The following KBTBD2 variants were observed in gnomAD, a reference collection of about 807,000 sequenced individuals.
The protein encoded by KBTBD2 is kelch repeat and BTB domain-containing protein 2.
Under a neutral mutation model 57.1 loss-of-function variants are expected in KBTBD2, and 17 were observed. That is an observed-to-expected ratio of 0.30 (90% CI 0.20 to 0.45). The LOEUF (loss-of-function observed/expected upper bound fraction) is 0.45. Among genes scored for constraint, KBTBD2 ranks in the 20% least tolerant of loss-of-function variants. KBTBD2 has a pLI of 1.00. For missense variants in KBTBD2, 515 were observed against 750.6 expected (o/e 0.69, Z 3.67); for synonymous variants, 267 against 262.7 (o/e 1.02, Z -0.16).
chr7:32,883,696 A>G (rs190750027), intron 1 of KBTBD2, among the ~76,000 whole-genome samples: 94 of 152,380 alleles, frequency 6.2e-4, no homozygotes, highest in Middle Eastern at 6.8e-3. Flanking sequence ...ATTCTCAGGT[A>G]TCAAGGAAAC....
rs750083789 is a variant in KBTBD2, at chr7:32,870,560, T to A, written c.657A>T (p.Gln219His). ...RSQYLSSVLS[Q>H]IRIDALSEVT... is the part of the protein sequence containing the mutation. ...CTTCTGAAAGTGCATCAATTCTGAT[T>A]TGGCTAAGAACAGAAGACAAATACT... Residue 219 changes from glutamine to histidine, a missense_variant, in exon 4 of 4, where the codon CAA (glutamine) becomes CAT (histidine). Physicochemically the swap from Gln to His is conservative, Grantham distance 24. Coordinates refer to ENST00000304056, the MANE Select transcript of KBTBD2 (RefSeq NM_015483.3). 6.2e-7 allele frequency: 1 copy of A among 1,614,190 alleles called. No homozygotes were observed. Among genetic ancestry groups the A allele is most frequent in the Non-Finnish European group, 8.5e-7 (1 of 1,180,012 alleles).
chr7:32,877,031 T>G (rs1784329676), intron 2 of KBTBD2, among the ~76,000 whole-genome samples: 1 of 112,408 alleles, frequency 8.9e-6, no homozygotes, highest in South Asian at 3.2e-4. Context: ...TTCTTTTTCT[T>G]TTTTTGAGAC....
At chr7:32,878,398 G>A (rs542485222) in intron 2 of KBTBD2, among the ~76,000 whole-genome samples, 3 of 152,000 alleles carry the variant, frequency 2.0e-5, no homozygotes, top group East Asian at 2.0e-4. Flanking sequence ...GACCAACATG[G>A]TGAAACCCCA....
At chr7:32,885,710 A>C (rs1283029307) in intron 1 of KBTBD2, among the ~76,000 whole-genome samples, 2 of 152,202 alleles carry the variant, frequency 1.3e-5, no homozygotes, top group African/African-American at 2.4e-5. Flanking sequence ...GGAGTCATGC[A>C]AACACAATAT....
At chr7:32,871,344 AGAG>A in intron 3 of KBTBD2, among the ~76,000 whole-genome samples, 1 of 152,356 alleles carries the variant, frequency 6.6e-6, no homozygotes, top group South Asian at 2.1e-4. Context: ...ACAATGAGTA[AGAG>A]TAGTTATTTG....
At chr7:32,888,411 C>G (rs1018042753) in intron 1 of KBTBD2, among the ~76,000 whole-genome samples, 4 of 152,030 alleles carry the variant, frequency 2.6e-5, no homozygotes, top group Non-Finnish European at 5.9e-5. Context: ...GAGATGGGTG[C>G]TAGAAACAGT....
In KBTBD2 at chr7:32,869,863, T is replaced by A; in HGVS notation, c.1354A>T (p.Met452Leu). Residue 452 changes from methionine to leucine, a missense_variant, in exon 4 of 4, where the codon ATG becomes TTG. Coordinates refer to ENST00000304056, the MANE Select transcript of KBTBD2 (RefSeq NM_015483.3). ...GACCTACTAGTCTGTCTCATGGCCA[T>A]TTCTACCCATGAGTCAGACCTTGGA... The part of the protein sequence containing the change: ...YFPRSDSWVE[M>L]AMRQTSRSFA... The A allele has an allele frequency of 6.2e-7, 1 of 1,613,670 alleles. No individual in the cohort carries two copies. Among genetic ancestry groups the A allele is most frequent in the South Asian group, 1.1e-5 (1 of 91,076 alleles).
chr7:32,875,519 G>C (rs1274511881), intron 2 of KBTBD2, among the ~76,000 whole-genome samples: 2 of 152,156 alleles, frequency 1.3e-5, no homozygotes, highest in East Asian at 3.9e-4. Context: ...AATCTTTCCT[G>C]CCTCAGCCTC....
rs1370992968 is a variant in KBTBD2, at chr7:32,879,415, A to T, written c.170+20T>A. The T allele has an allele frequency of 1.3e-6, 2 of 1,516,988 alleles. No individual in the cohort carries two copies. Among genetic ancestry groups the T allele is most frequent in the Non-Finnish European group, 9.0e-7 (1 of 1,117,228 alleles). 94.0% of individuals were successfully genotyped at this position (1,516,988 alleles called of 1,614,324 possible). The stretch of plus-strand genomic sequence containing the variant: ...ATAACATTTCAAAGAATTTCTATTT[A>T]AAACATTAAAAGTACTTACCTGAAA... On this transcript the variant is annotated intron_variant, in intron 2 of 3. Coordinates refer to ENST00000304056, the MANE Select transcript of KBTBD2 (RefSeq NM_015483.3).
chr7:32,877,921 C>A (rs1451436825), intron 2 of KBTBD2, among the ~76,000 whole-genome samples: 1 of 151,328 alleles, frequency 6.6e-6, no homozygotes. Context: ...CCAGCGTGGG[C>A]AACATGGTGA....
Position 32,870,965 on chromosome 7 carries a change from C to T in KBTBD2, c.337-85G>A, listed in dbSNP as rs1358567518. 3.3e-5 allele frequency: 24 copies of T among 737,440 alleles called. No individual in the cohort carries two copies. In the East Asian group the frequency reaches 6.5e-4, roughly 20 times the overall value. The allele number at this position is 737,440 out of a possible 1,614,324, so 45.7% of individuals were successfully genotyped here. A position where few individuals can be genotyped will look rare whatever the true frequency, so the allele number is the denominator to read the frequency against. ...TTATGTAAGACGTAAGTATATTAAT[C>T]AGATGCCCATAGTGTAATTTTTATT... On this transcript the variant is annotated intron_variant, in intron 3 of 3. Transcript: ENST00000304056.
chr7:32,873,191 G>C (rs529852488), intron 3 of KBTBD2, among the ~76,000 whole-genome samples: 3 of 151,972 alleles, frequency 2.0e-5, no homozygotes, highest in African/African-American at 7.2e-5. Context: ...ATTTAAAAAG[G>C]GAACATGATG....
chr7:32,872,446 T>C (rs1316781899), intron 3 of KBTBD2, among the ~76,000 whole-genome samples: 1 of 151,962 alleles, frequency 6.6e-6, no homozygotes, highest in Non-Finnish European at 1.5e-5. Context: ...TTGGGAGGCC[T>C]AGGTGAGAGG....
chr7:32,873,900 T>C (rs1311082839), intron 3 of KBTBD2, among the ~76,000 whole-genome samples: 1 of 152,188 alleles, frequency 6.6e-6, no homozygotes, highest in Non-Finnish European at 1.5e-5. Context: ...GTTTTTCCCT[T>C]ACACATTTTG....
chr7:32,883,190 C>G (rs952108840), intron 1 of KBTBD2, among the ~76,000 whole-genome samples: 13 of 151,926 alleles, frequency 8.6e-5, no homozygotes, highest in African/African-American at 3.1e-4. Context: ...CCAGCCTGAC[C>G]AACATGGCAA....
intron 1 of KBTBD2, among the ~76,000 whole-genome samples, chr7:32,884,110 A>T (rs1478652284): frequency 6.6e-6 from 1 of 152,254 alleles, no homozygotes; most frequent in African/African-American, 2.4e-5. Flanking sequence ...TCTGGTGCTC[A>T]GCCCTACTAC....
intron 3 of KBTBD2, among the ~76,000 whole-genome samples, chr7:32,873,285 C>T (rs1213383510): frequency 6.9e-6 from 1 of 145,364 alleles, no homozygotes; most frequent in Non-Finnish European, 1.5e-5. Context: ...CTTAATTGCT[C>T]AATATGGTCA....
intron 3 of KBTBD2, among the ~76,000 whole-genome samples, chr7:32,871,858 G>C (rs573699525): frequency 6.6e-6 from 1 of 152,116 alleles, no homozygotes; most frequent in Admixed American, 6.5e-5. Flanking sequence ...CAGTCTAAGA[G>C]GCAGAGTCCT....
chr7:32,885,927 A>ATTTTTTTTTTTTTTTTTG (rs1784570122), intron 1 of KBTBD2, among the ~76,000 whole-genome samples: 1 of 81,824 alleles, frequency 1.2e-5, no homozygotes, highest in African/African-American at 5.4e-5. Context: ...TTTTTTTTTA[A>ATTTTTTTTTTTTTTTTTG]AGACAGAGTC....
Sources: allele counts gnomAD v4.1 joint callset (sites outside exome capture counted in the v4.1 genomes callset), GRCh38; gene constraint gnomAD v4.1.1; transcripts MANE v1.5; gene names NCBI Gene and HGNC (gene_info 2026-07-23, HGNC 2026-07-21).